Variants in ARHGAP26 observed in about 807,000 individuals in gnomAD.
ARHGAP26 encodes rho GTPase-activating protein 26.
In ARHGAP26, 38 loss-of-function variants were observed where a neutral mutation model predicts 104.8. The observed-to-expected ratio is 0.36, with a 90% CI of 0.28 to 0.48. ARHGAP26 has a LOEUF of 0.48. Ranked by LOEUF, ARHGAP26 falls within the 20% of genes least tolerant of loss-of-function variation. The pLI, the probability that ARHGAP26 is intolerant of heterozygous loss-of-function variation, is 0.99. For synonymous variants in ARHGAP26, 341 were observed against 340.0 expected, an observed-to-expected ratio of 1.00 and a Z score of -0.03; for missense variants, 704 against 947.9, an observed-to-expected ratio of 0.74 and a Z score of 3.38.
chr5:143,104,902 A>G (rs1482317713), intron 17 of ARHGAP26, among the ~76,000 whole-genome samples: 3 of 152,140 alleles, frequency 2.0e-5, no homozygotes, highest in Non-Finnish European at 4.4e-5. Context: ...AAAACATTGA[A>G]TAACATTTAG....
At chr5:142,954,747 G>A (rs1768941652) in intron 11 of ARHGAP26, among the ~76,000 whole-genome samples, 2 of 152,164 alleles carry the variant, frequency 1.3e-5, no homozygotes, top group East Asian at 3.8e-4. Context: ...TGTGTTTCAG[G>A]TGTTCTGATG....
intron 17 of ARHGAP26, among the ~76,000 whole-genome samples, chr5:143,111,798 C>G (rs528866231): frequency 6.6e-6 from 1 of 152,266 alleles, no homozygotes; most frequent in South Asian, 2.1e-4. Context: ...GTTATACCTT[C>G]CAGATTGTCC....
chr5:143,215,807 C>T (rs149288099), intron 22 of ARHGAP26, among the ~76,000 whole-genome samples: 1 of 152,188 alleles, frequency 6.6e-6, no homozygotes, highest in Non-Finnish European at 1.5e-5. Flanking sequence ...AACCTTCTTC[C>T]TTTTTATGTG....
chr5:142,841,344 A>G (rs1021070722), intron 1 of ARHGAP26, among the ~76,000 whole-genome samples: 3 of 152,222 alleles, frequency 2.0e-5, no homozygotes, highest in Admixed American at 6.5e-5. Context: ...ACAGGTTTCA[A>G]GTCTCACGGT....
chr5:143,023,957 C>T (rs989451679), intron 12 of ARHGAP26, among the ~76,000 whole-genome samples: 2 of 152,192 alleles, frequency 1.3e-5, no homozygotes, highest in Non-Finnish European at 2.9e-5. Flanking sequence ...TCTTCTGAGC[C>T]GCAGTCAGGC....
chr5:142,896,578 T>G (rs531864630), intron 6 of ARHGAP26, among the ~76,000 whole-genome samples: 3 of 152,336 alleles, frequency 2.0e-5, no homozygotes, highest in African/African-American at 7.2e-5. Context: ...CTCCTTCTTT[T>G]GTCTCTCCTC....
chr5:143,211,601 G>C (rs1809477842), intron 21 of ARHGAP26, among the ~76,000 whole-genome samples: 1 of 150,752 alleles, frequency 6.6e-6, no homozygotes, highest in Non-Finnish European at 1.5e-5. Context: ...TTTGAGCCAG[G>C]GTCTCACTTG....
At chr5:142,790,017 C>G (rs74871546) in intron 1 of ARHGAP26, among the ~76,000 whole-genome samples, 7,069 of 152,234 alleles carry the variant, frequency 0.046, 201 homozygotes, top group East Asian at 0.081. Context: ...TTTATTAATC[C>G]AGTCAACAAA....
intron 18 of ARHGAP26, among the ~76,000 whole-genome samples, chr5:143,122,234 C>G (rs1389287400): frequency 6.6e-6 from 1 of 152,166 alleles, no homozygotes; most frequent in Admixed American, 6.5e-5. Context: ...CTGTTACTAC[C>G]TGATCTCGTC....
In ARHGAP26 at chr5:142,864,040, G is replaced by A. The variant is rs536302179; in HGVS notation, c.155-9360G>A. ...TATCTCCCTCTATCTCCACCCACCAGCCCCTACCGGTTTTTCCAGCCCTAG... is the reference window on the plus strand; with the variant it reads ...TATCTCCCTCTATCTCCACCCACCAACCCCTACCGGTTTTTCCAGCCCTAG... On this transcript the variant is annotated intron_variant, in intron 1 of 22. Transcript: ENST00000645722. 1.8e-4 allele frequency among the ~76,000 whole-genome samples: 27 copies of A among 152,074 alleles called. No individual in the cohort carries two copies. The East Asian group carries it at 5.0e-3, about 28-fold the overall frequency.
intron 17 of ARHGAP26, among the ~76,000 whole-genome samples, chr5:143,117,027 G>T (rs1420722512): frequency 6.6e-6 from 1 of 152,188 alleles, no homozygotes; most frequent in South Asian, 2.1e-4. Flanking sequence ...TGTAGAATTG[G>T]CAGTTCTTTC....
intron 11 of ARHGAP26, among the ~76,000 whole-genome samples, chr5:142,958,166 C>G (rs889256641): frequency 1.3e-5 from 2 of 152,036 alleles, no homozygotes; most frequent in African/African-American, 4.8e-5. Context: ...TCCCTTCCCC[C>G]CATTTCTCCT....
At chr5:143,162,010 C>T (rs751825472) in intron 20 of ARHGAP26, among the ~76,000 whole-genome samples, 29 of 152,156 alleles carry the variant, frequency 1.9e-4, no homozygotes, top group Non-Finnish European at 3.4e-4. Flanking sequence ...TCATATCAGA[C>T]GTCACAGACA....
At chr5:142,945,809 T>C (rs1447617132) in intron 11 of ARHGAP26, among the ~76,000 whole-genome samples, 2 of 152,238 alleles carry the variant, frequency 1.3e-5, no homozygotes, top group African/African-American at 4.8e-5. Context: ...TTAACACTGA[T>C]ACAATATTAT....
At chr5:142,844,257 A>G (rs10036365) in intron 1 of ARHGAP26, among the ~76,000 whole-genome samples, 15,888 of 151,520 alleles carry the variant, frequency 0.1, 1,503 homozygotes, top group African/African-American at 0.25. Context: ...CGCCATATCG[A>G]CCAGGCTGGT....
At chr5:142,968,746 A>C (rs1281550219) in intron 11 of ARHGAP26, among the ~76,000 whole-genome samples, 2 of 152,170 alleles carry the variant, frequency 1.3e-5, no homozygotes, top group East Asian at 3.8e-4. Context: ...TATCATTGTC[A>C]CTGAGGTCTG....
At chr5:142,818,450 C>T (rs894604453) in intron 1 of ARHGAP26, among the ~76,000 whole-genome samples, 2 of 152,134 alleles carry the variant, frequency 1.3e-5, no homozygotes, top group African/African-American at 2.4e-5. Flanking sequence ...GGAGGGAGGA[C>T]CTTTTGGTGG....
At chr5:143,026,227 C>A (rs112767667) in intron 12 of ARHGAP26, among the ~76,000 whole-genome samples, 1,795 of 152,258 alleles carry the variant, frequency 0.012, 40 homozygotes, top group African/African-American at 0.041. Flanking sequence ...TGTATTTATT[C>A]TTTCAGGACA....
intron 14 of ARHGAP26, among the ~76,000 whole-genome samples, chr5:143,047,635 A>G (rs774123076): frequency 2.6e-5 from 4 of 152,186 alleles, no homozygotes; most frequent in Non-Finnish European, 4.4e-5. Context: ...ACTGTTTTGC[A>G]TATAAATTAT....
Sources: allele counts gnomAD v4.1 joint callset (sites outside exome capture counted in the v4.1 genomes callset), GRCh38; gene constraint gnomAD v4.1.1; transcripts MANE v1.5; gene names NCBI Gene and HGNC (gene_info 2026-07-23, HGNC 2026-07-21).